The following C12orf42 variants were observed in gnomAD, a reference collection of about 807,000 sequenced individuals.
C12orf42 encodes the protein uncharacterized protein C12orf42.
In C12orf42, 25 loss-of-function variants were observed where a neutral mutation model predicts 21.6. The ratio of observed to expected loss-of-function variants is 1.16; its 90% CI spans 0.84 to 1.62. The LOEUF is 1.62. Among genes scored for constraint, C12orf42 ranks in the 40% most tolerant of loss-of-function variants. The probability of loss-of-function intolerance (pLI) is 0.00; values close to 1 mark genes in which losing one functional copy is unlikely to be tolerated. For synonymous variants in C12orf42, 174 were observed against 175.0 expected, an observed-to-expected ratio of 0.99 and a Z score of 0.05; for missense variants, 483 against 459.3, an observed-to-expected ratio of 1.05 and a Z score of -0.47.
chr12:103,470,856 C>T (rs1242231394), intron 2 of C12orf42, among the ~76,000 whole-genome samples: 1 of 152,120 alleles, frequency 6.6e-6, no homozygotes, highest in Non-Finnish European at 1.5e-5. Context: ...AGGTGCCAAA[C>T]ATGTGAGAGA....
chr12:103,550,150 C>T, the C12orf42 span, among the ~76,000 whole-genome samples: 1 of 152,064 alleles, frequency 6.6e-6, no homozygotes, highest in African/African-American at 2.4e-5. Context: ...CCTATAATTT[C>T]ATCCATTAAT....
At chr12:103,539,811 C>T in the C12orf42 span, among the ~76,000 whole-genome samples, 7 of 151,988 alleles carry the variant, frequency 4.6e-5, no homozygotes, top group Non-Finnish European at 8.8e-5. Flanking sequence ...GAACTCCTGA[C>T]CTCGTGATTC....
chr12:103,554,907 G>A, the C12orf42 span, among the ~76,000 whole-genome samples: 4 of 152,152 alleles, frequency 2.6e-5, no homozygotes, highest in Non-Finnish European at 4.4e-5. Context: ...GGGACACAGA[G>A]CCAAACCATA....
At chr12:103,271,515 T>C (rs1460454570) in intron 5 of C12orf42, among the ~76,000 whole-genome samples, 1 of 152,180 alleles carries the variant, frequency 6.6e-6, no homozygotes, top group East Asian at 1.9e-4. Context: ...CAGCAAGATA[T>C]TCCCTTTTAG....
the C12orf42 span, among the ~76,000 whole-genome samples, chr12:103,147,818 C>T: frequency 8.1e-4 from 123 of 151,918 alleles, 2 homozygotes; most frequent in Admixed American, 8.1e-3. Flanking sequence ...GAACAAAATG[C>T]CCAGAAACAT....
At chr12:103,298,591 A>G (rs2037454028), downstream of C12orf42, among the ~76,000 whole-genome samples, 1 of 152,194 alleles carries the variant, frequency 6.6e-6, no homozygotes, top group East Asian at 1.9e-4. Context: ...TCTTCACAGA[A>G]TTGGAAAAAA....
intron 4 of C12orf42, among the ~76,000 whole-genome samples, chr12:103,341,640 TACTC>T (rs1395963603): frequency 6.6e-6 from 1 of 152,148 alleles, no homozygotes; most frequent in African/African-American, 2.4e-5. Flanking sequence ...ACTAAAGTAA[TACTC>T]ACAATGTAAG....
intron 2 of C12orf42, among the ~76,000 whole-genome samples, chr12:103,449,932 T>G (rs1324788234): frequency 6.6e-6 from 1 of 151,774 alleles, no homozygotes; most frequent in Non-Finnish European, 1.5e-5. Context: ...CTTTTTAAAT[T>G]TTATTTAATG....
At chr12:103,141,963 A>C in the C12orf42 span, among the ~76,000 whole-genome samples, 24 of 152,336 alleles carry the variant, frequency 1.6e-4, no homozygotes, top group South Asian at 5.0e-3. Context: ...AGATAAATGA[A>C]CATTGAGACT....
At chr12:103,270,188 A>T (rs1328806148) in intron 5 of C12orf42, 1 of 152,140 alleles carries the variant, frequency 6.6e-6, no homozygotes, top group South Asian at 2.1e-4. Context: ...ACATGACCTA[A>T]GTACTACAGA....
intron 2 of C12orf42, among the ~76,000 whole-genome samples, chr12:103,467,034 A>C (rs1249045270): frequency 6.6e-6 from 1 of 152,228 alleles, no homozygotes; most frequent in Admixed American, 6.5e-5. Context: ...CAGACATGTG[A>C]GGGAGCCATG....
intron 4 of C12orf42, among the ~76,000 whole-genome samples, chr12:103,360,481 T>C (rs542174059): frequency 1.1e-4 from 17 of 151,992 alleles, no homozygotes; most frequent in Non-Finnish European, 2.5e-4. Context: ...CTAAGTCAAA[T>C]ATCAAGGAAT....
intron 1 of C12orf42, among the ~76,000 whole-genome samples, chr12:103,480,737 T>A (rs1002684269): frequency 2.0e-5 from 3 of 151,666 alleles, no homozygotes; most frequent in African/African-American, 7.2e-5. Context: ...TTTAAATTGG[T>A]TACATTTTGA....
the C12orf42 span, among the ~76,000 whole-genome samples, chr12:103,163,947 C>T: frequency 8.5e-5 from 13 of 152,170 alleles, no homozygotes; most frequent in Admixed American, 5.2e-4. Flanking sequence ...TTATCCCAGT[C>T]CTTACTAATA....
chr12:103,246,774 A>G (rs1348484491), intron 10 of C12orf42, among the ~76,000 whole-genome samples: 1 of 143,312 alleles, frequency 7.0e-6, no homozygotes, highest in African/African-American at 2.6e-5. Flanking sequence ...AAGAATAAAA[A>G]TGCAGAGCTT....
At chr12:103,320,246 C>T (rs776990320) in intron 4 of C12orf42, among the ~76,000 whole-genome samples, 16 of 152,118 alleles carry the variant, frequency 1.1e-4, no homozygotes, top group Admixed American at 2.6e-4. Flanking sequence ...TACCTCAAGG[C>T]CACAGGGGGT....
chr12:103,334,886 G>C (rs2041557161), intron 4 of C12orf42, among the ~76,000 whole-genome samples: 1 of 152,210 alleles, frequency 6.6e-6, no homozygotes, highest in South Asian at 2.1e-4. Context: ...TTAATGAACA[G>C]TGGGAGTTGA....
chr12:103,162,052 GC>G, the C12orf42 span, among the ~76,000 whole-genome samples: 2 of 151,874 alleles, frequency 1.3e-5, no homozygotes, highest in African/African-American at 4.8e-5. Flanking sequence ...CCCTCCTAAT[GC>G]CCCAGAGCAG....
chr12:103,139,439 G>A, the C12orf42 span, among the ~76,000 whole-genome samples: 9 of 148,614 alleles, frequency 6.1e-5, no homozygotes, highest in South Asian at 1.9e-3. Flanking sequence ...AGCACAGACA[G>A]AATCATCCCT....
Sources: allele counts gnomAD v4.1 joint callset (sites outside exome capture counted in the v4.1 genomes callset), GRCh38; gene constraint gnomAD v4.1.1; transcripts MANE v1.5; gene names NCBI Gene and HGNC (gene_info 2026-07-23, HGNC 2026-07-21).